Variants in MAP1B observed in about 807,000 individuals in gnomAD.
The protein encoded by MAP1B is microtubule associated protein 1B, also known as microtubule-associated protein 1B.
Under a neutral mutation model 176.1 loss-of-function variants are expected in MAP1B, and 12 were observed. The ratio of observed to expected loss-of-function variants is 0.07; its 90% CI spans 0.04 to 0.11. The LOEUF is 0.11. Among genes scored for constraint, MAP1B ranks in the 10% least tolerant of loss-of-function variants. MAP1B has a pLI of 1.00. For synonymous variants in MAP1B, 1,044 were observed against 1,135.0 expected, an observed-to-expected ratio of 0.92 and a Z score of 1.61; for missense variants, 2,523 against 2,990.5, an observed-to-expected ratio of 0.84 and a Z score of 3.65.
intron 2 of MAP1B, among the ~76,000 whole-genome samples, chr5:72,165,653 T>G (rs1746413523): frequency 6.6e-6 from 1 of 152,186 alleles, no homozygotes; most frequent in African/African-American, 2.4e-5. Flanking sequence ...GTAATGATCA[T>G]TAGTTCACTT....
At chr5:72,153,863 C>T (rs967962750) in intron 2 of MAP1B, among the ~76,000 whole-genome samples, 1 of 152,032 alleles carries the variant, frequency 6.6e-6, no homozygotes, top group South Asian at 2.1e-4. Flanking sequence ...CAAAGACATT[C>T]CCCCCAAAGC....
chr5:72,169,032 TTAAGG>T (rs1746485132), intron 2 of MAP1B, among the ~76,000 whole-genome samples: 1 of 152,242 alleles, frequency 6.6e-6, no homozygotes, highest in African/African-American at 2.4e-5. Context: ...AAATAGGTTG[TTAAGG>T]TAAGAAATCA....
intron 4 of MAP1B, among the ~76,000 whole-genome samples, chr5:72,189,438 C>T (rs931352321): frequency 6.6e-6 from 1 of 152,222 alleles, no homozygotes; most frequent in African/African-American, 2.4e-5. Flanking sequence ...TTCACCAACA[C>T]TGCCGATTTT....
chr5:72,179,887 A>G, intron 2 of MAP1B: 3 of 985,518 alleles, frequency 3.0e-6, no homozygotes, highest in Non-Finnish European at 3.6e-6. Flanking sequence ...TGGTCTGAAG[A>G]TTGACTTGGA....
chr5:72,177,341 T>A (rs1461905480), intron 2 of MAP1B, among the ~76,000 whole-genome samples: 1 of 148,580 alleles, frequency 6.7e-6, no homozygotes, highest in Non-Finnish European at 1.5e-5. Context: ...TTTCTCTTCC[T>A]CTCTGTTTTT....
chr5:72,143,999 T>G (rs1045695045), intron 2 of MAP1B, among the ~76,000 whole-genome samples: 3 of 152,200 alleles, frequency 2.0e-5, no homozygotes, highest in Non-Finnish European at 4.4e-5. Context: ...TTCTCCCTGT[T>G]TGTCTCTGTG....
intron 4 of MAP1B, among the ~76,000 whole-genome samples, chr5:72,190,129 A>G (rs1746995711): frequency 6.6e-6 from 1 of 152,180 alleles, no homozygotes; most frequent in Non-Finnish European, 1.5e-5. Flanking sequence ...AGAGTTGATA[A>G]TGTCTATAGT....
At chr5:72,187,179 T>G (rs1223390151) in intron 4 of MAP1B, among the ~76,000 whole-genome samples, 2 of 152,174 alleles carry the variant, frequency 1.3e-5, no homozygotes, top group Non-Finnish European at 2.9e-5. Context: ...GGCCCCAGTG[T>G]TTGAACTTGG....
At chr5:72,184,994 C>G (rs1746861531) in intron 3 of MAP1B, among the ~76,000 whole-genome samples, 1 of 152,200 alleles carries the variant, frequency 6.6e-6, no homozygotes, top group Non-Finnish European at 1.5e-5. Flanking sequence ...CCGATGCCGA[C>G]AACTGCGAAC....
At chr5:72,127,452 G>T (rs749559002) in intron 2 of MAP1B, among the ~76,000 whole-genome samples, 1 of 152,022 alleles carries the variant, frequency 6.6e-6, no homozygotes, top group Non-Finnish European at 1.5e-5. Flanking sequence ...ACTTCAATTT[G>T]TTCCATCCCT....
intron 2 of MAP1B, among the ~76,000 whole-genome samples, chr5:72,125,380 T>G (rs977333457): frequency 6.6e-5 from 10 of 152,226 alleles, no homozygotes; most frequent in African/African-American, 2.4e-4. Context: ...TCTGTTCTCA[T>G]CTATTATAAA....
chr5:72,194,506 C>T lies in MAP1B; in HGVS notation c.1151C>T (p.Thr384Ile), dbSNP rs1399792913. Reference protein sequence around the residue: ...MKRSIEEACFTLQYLNKLSMK... With the variant: ...MKRSIEEACFILQYLNKLSMK... ...AGAAGCATAGAAGAAGCCTGCTTCACTCTCCAGTACCTAAACAAATTGTCC... is the reference window on the plus strand; with the variant it reads ...AGAAGCATAGAAGAAGCCTGCTTCATTCTCCAGTACCTAAACAAATTGTCC... The change falls in exon 5 of 7, where the codon ACT (threonine) becomes ATT (isoleucine). Residue 384 changes from threonine (T) to isoleucine (I), a missense_variant. By Grantham distance (89) the Thr-to-Ile change is moderately conservative. This residue lies in a region of MAP1B where 1,925 missense variants were observed against 2,126.0 expected (regional missense o/e 0.91). Coordinates refer to ENST00000296755, the MANE Select transcript of MAP1B (RefSeq NM_005909.5). The surrounding 1 kb of genome is among the most constrained non-coding windows in gnomAD (Gnocchi z 7.2). The T allele has an allele frequency of 3.1e-6, 5 of 1,614,014 alleles. No homozygotes were observed. The highest frequency in any genetic ancestry group is 4.2e-6 in the Non-Finnish European group (5 of 1,180,046).
In MAP1B at chr5:72,183,827, T is replaced by C. The variant is rs1294307860; in HGVS notation, c.369+2T>C. ...TCTGATGAAGCAGTCAGCACCGAGG[T>C]AAGCATTCAGCTCTGTAGAATCTGG... is the stretch of plus-strand genomic sequence containing the variant. On this transcript the variant is annotated splice_donor_variant, in intron 3 of 6. Coordinates refer to ENST00000296755, the MANE Select transcript of MAP1B (RefSeq NM_005909.5). LOFTEE classifies it high-confidence loss of function. 1 of 1,613,620 alleles carries C rather than the reference T, an allele frequency of 6.2e-7. No individual in the cohort carries two copies.
At chr5:72,110,555 C>T (rs191564991) in intron 1 of MAP1B, among the ~76,000 whole-genome samples, 21 of 152,330 alleles carry the variant, frequency 1.4e-4, no homozygotes, top group Non-Finnish European at 3.1e-4. Context: ...CTTCAGCCGC[C>T]AGGTCTCAGC....
chr5:72,107,605 C>T lies in MAP1B; in HGVS notation c.74C>T (p.Ser25Leu). 6.3e-7 allele frequency: 1 copy of T among 1,596,880 alleles called. No homozygotes were observed. The highest frequency in any genetic ancestry group is 8.5e-7 in the Non-Finnish European group (1 of 1,178,000). ...GSIANPAAST[S>L]PSLSHRFLDS... ...ATCGCCAACCCGGCGGCGTCCACCT[C>T]GCCTAGCCTGTCGCACCGCTTCCTT... Residue 25 changes from serine to leucine, a missense_variant, in exon 1 of 7, where the codon TCG becomes TTG. Ser to Leu is a moderately radical substitution (Grantham distance 145). Transcript: ENST00000296755.
chr5:72,109,685 C>T (rs13436192), intron 1 of MAP1B, among the ~76,000 whole-genome samples: 21,556 of 152,134 alleles, frequency 0.14, 1,755 homozygotes, highest in Non-Finnish European at 0.17. Context: ...TCATAAGTGA[C>T]AGAAGTACCA....
chr5:72,141,408 A>T (rs1394114452), intron 2 of MAP1B, among the ~76,000 whole-genome samples: 1 of 152,254 alleles, frequency 6.6e-6, no homozygotes, highest in Non-Finnish European at 1.5e-5. Context: ...TAGAAAAGAC[A>T]TGGAAAGTCC....
chr5:72,136,446 A>G (rs1324094366), intron 2 of MAP1B, among the ~76,000 whole-genome samples: 3 of 152,080 alleles, frequency 2.0e-5, no homozygotes, highest in Non-Finnish European at 2.9e-5. Context: ...CAGGGCCTCA[A>G]TTGTGTCCTC....
Position 72,195,049 on chromosome 5 carries a change from C to G in MAP1B, c.1694C>G (p.Thr565Ser). ...GTGCGCAAGGAGTCAAAAGAAGAAA[C>G]CCCTGAGGTCACAAAAGTGAATCAC... is the stretch of plus-strand genomic sequence containing the variant. The part of the protein sequence containing the change: ...KSVRKESKEE[T>S]PEVTKVNHVE... The change falls in exon 5 of 7, where the codon ACC becomes AGC. Residue 565 changes from threonine to serine, a missense_variant. By Grantham distance (58) the Thr-to-Ser change is moderately conservative (BLOSUM62 1). This residue lies in a region of MAP1B where 1,925 missense variants were observed against 2,126.0 expected (regional missense o/e 0.91). Coordinates refer to ENST00000296755, the MANE Select transcript of MAP1B (RefSeq NM_005909.5). 1 of 1,614,040 alleles carries G rather than the reference C, an allele frequency of 6.2e-7. No homozygotes were observed. Among genetic ancestry groups the G allele is most frequent in the Non-Finnish European group, 8.5e-7 (1 of 1,180,016 alleles).
Sources: allele counts gnomAD v4.1 joint callset (sites outside exome capture counted in the v4.1 genomes callset), GRCh38; gene constraint gnomAD v4.1.1; regional missense constraint gnomAD v4.1.1; non-coding constraint Gnocchi (gnomAD v3.1); transcripts MANE v1.5; gene names NCBI Gene and HGNC (gene_info 2026-07-23, HGNC 2026-07-21).